Variants in ARHGEF4 observed in about 807,000 individuals in gnomAD.
The protein encoded by ARHGEF4 is APC-stimulated guanine nucleotide exchange factor 1.
A neutral mutation model predicts 162.0 loss-of-function variants in ARHGEF4; 119 were observed. The observed-to-expected ratio is 0.73, with a 90% CI of 0.63 to 0.86. The LOEUF is 0.86. Ranked by LOEUF, ARHGEF4 falls within the 40% of genes least tolerant of loss-of-function variation. The probability of loss-of-function intolerance (pLI) is 0.00; values close to 1 mark genes in which losing one functional copy is unlikely to be tolerated. For synonymous variants in ARHGEF4, 1,014 were observed against 979.9 expected, an observed-to-expected ratio of 1.03 and a Z score of -0.65; for missense variants, 2,488 against 2,456.0, an observed-to-expected ratio of 1.01 and a Z score of -0.28.
Position 130,914,178 on chromosome 2 carries a change from G to C in ARHGEF4, c.232G>C (p.Glu78Gln). Residue 78 changes from glutamate to glutamine, a missense_variant, in exon 2 of 14, where the codon GAG becomes CAG. This residue lies in a region of ARHGEF4 where 171 missense variants were observed against 169.4 expected (regional missense o/e 1.01). Coordinates refer to ENST00000409359, the MANE Select transcript of ARHGEF4 (RefSeq NM_001367493.1). ...TDPFESASDT[E>Q]SLSGYLPRGV... ...CCCCTTTGAAAGTGCCTCTGACACA[G>C]AGTCCTTGTCTGGGTACCTCCCGAG... 6.5e-7 allele frequency: 1 copy of C among 1,536,134 alleles called. No homozygotes were observed. The highest frequency in any genetic ancestry group is 1.2e-5 in the South Asian group (1 of 84,060).
chr2:130,923,142 G>T (rs1260768055), intron 2 of ARHGEF4, among the ~76,000 whole-genome samples: 2 of 152,108 alleles, frequency 1.3e-5, no homozygotes, highest in Non-Finnish European at 1.5e-5. Flanking sequence ...ATTGGCTAGG[G>T]TGGTCTCGAA....
intron 4 of ARHGEF4, among the ~76,000 whole-genome samples, chr2:130,957,927 CCAATTATAGCAGCCTG>C (rs1358261992): frequency 7.9e-5 from 12 of 151,652 alleles, no homozygotes; most frequent in African/African-American, 2.9e-4. Flanking sequence ...TCTGTAGTAT[CCAATTATAGCAGCCTG>C]AACTAAGGCA....
At chr2:130,937,169 C>T (rs562560348) in intron 3 of ARHGEF4, among the ~76,000 whole-genome samples, 8 of 152,136 alleles carry the variant, frequency 5.3e-5, no homozygotes, top group Admixed American at 2.6e-4. Flanking sequence ...CCTCGGCCTC[C>T]CAAAGTGCTG....
chr2:130,999,364 G>A (rs551146417), intron 4 of ARHGEF4, among the ~76,000 whole-genome samples: 2 of 151,936 alleles, frequency 1.3e-5, no homozygotes, highest in South Asian at 2.1e-4. Context: ...TACCATGTTA[G>A]CCAGGATGGT....
chr2:130,953,333 T>C (rs919499982), intron 4 of ARHGEF4, among the ~76,000 whole-genome samples: 4 of 151,996 alleles, frequency 2.6e-5, no homozygotes, highest in Admixed American at 1.3e-4. Context: ...ATAAATGGTG[T>C]TGGGAAAACT....
intron 1 of ARHGEF4, among the ~76,000 whole-genome samples, chr2:130,887,010 A>G (rs927865616): frequency 7.9e-5 from 12 of 152,030 alleles, no homozygotes; most frequent in Non-Finnish European, 7.4e-5. Context: ...CCTTACACCA[A>G]TGTCACACTA....
At chr2:130,848,432 A>G (rs1453781726) in intron 1 of ARHGEF4, among the ~76,000 whole-genome samples, 1 of 152,206 alleles carries the variant, frequency 6.6e-6, no homozygotes, top group Non-Finnish European at 1.5e-5. Context: ...CAGGCCCTGG[A>G]CAGGGGCTTC....
chr2:131,025,717 G>C (rs1033660338), intron 4 of ARHGEF4, among the ~76,000 whole-genome samples: 1 of 152,188 alleles, frequency 6.6e-6, no homozygotes, highest in Non-Finnish European at 1.5e-5. Context: ...GAGTCTATCT[G>C]GTTGGGGGGA....
chr2:130,987,864 AG>A lies in ARHGEF4; in HGVS notation c.3986-40080del, dbSNP rs567092197. On this transcript the variant is annotated intron_variant, in intron 4 of 13. Coordinates refer to ENST00000409359, the MANE Select transcript of ARHGEF4 (RefSeq NM_001367493.1). Reference sequence around the variant, plus strand: ...AGAAATGATCTTTGAATTTATTTTAAGAGACGTCTTGGGAGCTGTTGGAGTA... The same window carrying A: ...AGAAATGATCTTTGAATTTATTTTAAAGACGTCTTGGGAGCTGTTGGAGTA... Among the ~76,000 whole-genome samples the A allele has an allele frequency of 6.1e-3, 935 of 152,340 alleles. 8 individuals are homozygous for A. Among genetic ancestry groups the A allele is most frequent in the Non-Finnish European group, 7.4e-3 (506 of 68,024 alleles).
intron 3 of ARHGEF4, among the ~76,000 whole-genome samples, chr2:130,938,292 T>C (rs1375360637): frequency 6.6e-6 from 1 of 152,236 alleles, no homozygotes. Flanking sequence ...CCACCAGTAA[T>C]GTTTGCATGA....
At chr2:130,913,630 T>C (rs540741104) in intron 1 of ARHGEF4, among the ~76,000 whole-genome samples, 4 of 152,224 alleles carry the variant, frequency 2.6e-5, no homozygotes, top group Non-Finnish European at 2.9e-5. Context: ...CGCAAACATA[T>C]TGATTTGTTC....
intron 5 of ARHGEF4, among the ~76,000 whole-genome samples, chr2:131,029,144 T>G (rs1483317556): frequency 1.3e-5 from 2 of 152,170 alleles, no homozygotes; most frequent in African/African-American, 4.8e-5. Context: ...GTGTATCACC[T>G]GAGATCAGGA....
intron 1 of ARHGEF4, among the ~76,000 whole-genome samples, chr2:130,846,246 C>T (rs1370042597): frequency 2.6e-5 from 4 of 152,226 alleles, no homozygotes; most frequent in Non-Finnish European, 5.9e-5. Flanking sequence ...AGTGCTGTGT[C>T]CTTGCTGGCT....
At chr2:130,997,225 C>T (rs1687448841) in intron 4 of ARHGEF4, among the ~76,000 whole-genome samples, 1 of 152,148 alleles carries the variant, frequency 6.6e-6, no homozygotes, top group South Asian at 2.1e-4. Flanking sequence ...TCCCTTTCCC[C>T]ACAAGGCTTT....
At chr2:130,933,856 T>C (rs1466462515) in intron 3 of ARHGEF4, among the ~76,000 whole-genome samples, 2 of 152,202 alleles carry the variant, frequency 1.3e-5, no homozygotes, top group Non-Finnish European at 2.9e-5. Flanking sequence ...ATGTATAAGA[T>C]TACATCATTT....
intron 1 of ARHGEF4, among the ~76,000 whole-genome samples, chr2:130,877,721 C>T (rs1190450443): frequency 6.6e-6 from 1 of 152,142 alleles, no homozygotes; most frequent in Non-Finnish European, 1.5e-5. Context: ...AAATATGAGC[C>T]ACCCCTATCC....
chr2:131,014,800 C>T (rs1198295567), intron 4 of ARHGEF4, among the ~76,000 whole-genome samples: 1 of 152,184 alleles, frequency 6.6e-6, no homozygotes, highest in Non-Finnish European at 1.5e-5. Context: ...CTCTTACCTT[C>T]AGTGAGATGG....
At chr2:130,918,836 G>C (rs983523453) in intron 2 of ARHGEF4, among the ~76,000 whole-genome samples, 9 of 152,176 alleles carry the variant, frequency 5.9e-5, no homozygotes, top group Non-Finnish European at 1.3e-4. Context: ...TTGTTTTGGG[G>C]GGAGGGTTAC....
chr2:130,970,446 G>A (rs1226073797), intron 4 of ARHGEF4, among the ~76,000 whole-genome samples: 3 of 152,034 alleles, frequency 2.0e-5, no homozygotes, highest in Admixed American at 6.5e-5. Context: ...AAAATTAGCC[G>A]GGCATGGTGG....
Sources: gnomAD v4.1 joint callset for allele counts (sites outside exome capture counted in the v4.1 genomes callset) on GRCh38, gnomAD v4.1.1 for gene constraint, gnomAD v4.1.1 regional missense constraint, MANE v1.5 for transcripts, NCBI Gene and HGNC (gene_info 2026-07-23, HGNC 2026-07-21) for gene names.